The following INTS4 variants were observed in gnomAD, a reference collection of about 807,000 sequenced individuals.
INTS4 encodes the protein integrator complex subunit 4.
Under a neutral mutation model 119.5 loss-of-function variants are expected in INTS4, and 70 were observed. The observed-to-expected ratio is 0.59, with a 90% CI of 0.48 to 0.71. The LOEUF is 0.71. Ranked by LOEUF, INTS4 falls within the 30% of genes least tolerant of loss-of-function variation. INTS4 has a pLI of 0.00. For missense variants in INTS4, 867 were observed against 1,173.2 expected (o/e 0.74, Z 3.81); for synonymous variants, 316 against 419.6 (o/e 0.75, Z 3.02).
At chr11:77,889,130 G>A (rs1014060498) in intron 21 of INTS4, among the ~76,000 whole-genome samples, 30 of 152,166 alleles carry the variant, frequency 2.0e-4, no homozygotes, top group Non-Finnish European at 3.5e-4. Context: ...GCACACATAT[G>A]TTTATTGCGG....
chr11:77,960,874 T>C, intron 5 of INTS4, 79 bp downstream of exon 5: 1 of 1,245,474 alleles, frequency 8.0e-7, no homozygotes, highest in Non-Finnish European at 1.1e-6. Flanking sequence ...ATTTACAATG[T>C]ATCCAAGGCA....
rs768385485 is a variant in INTS4 at position 77,991,273 on chromosome 11, T to C, written c.81A>G (p.Lys27=). ...VQPQEEIATK[K]LRLTKPSKSA... is the part of the protein sequence containing the mutation. ...ATTTACTTGGTTTTGTTAGTCGGAGTTTCTTAGTAGCAATTTCCTCCTGTG... is the reference window on the plus strand; with the variant it reads ...ATTTACTTGGTTTTGTTAGTCGGAGCTTCTTAGTAGCAATTTCCTCCTGTG... The change falls in exon 2 of 23, where the codon AAA becomes AAG. Residue 27 remains lysine (K), a synonymous_variant. Transcript: ENST00000534064. 6.2e-7 allele frequency: 1 copy of C among 1,613,698 alleles called. No homozygotes were observed. The highest frequency in any genetic ancestry group is 1.7e-5 in the Admixed American group (1 of 59,996).
At chr11:77,885,696 G>A (rs113027748) in intron 21 of INTS4, among the ~76,000 whole-genome samples, 1,532 of 151,862 alleles carry the variant, frequency 0.01, 31 homozygotes, top group African/African-American at 0.033. Flanking sequence ...GCGTGTGCCT[G>A]TAGTCCCAGC....
rs763790646 is a variant in INTS4, at chr11:77,961,114, C to T, written c.496G>A (p.Val166Ile). 6.3e-7 allele frequency: 1 copy of T among 1,581,192 alleles called. No individual in the cohort carries two copies. The highest frequency in any genetic ancestry group is 1.1e-5 in the South Asian group (1 of 88,788). ...AGTAACTGCAGGCACTTATTTCTTA[C>T]ACCATGAGACGTATCTGTCAGATGC... ...CKHLTDTSHGVRNKCLQLLGN... is the reference protein window; with the variant it reads ...CKHLTDTSHGIRNKCLQLLGN... The change falls in exon 5 of 23, where the codon GTA (valine) becomes ATA (isoleucine). Residue 166 changes from valine to isoleucine, a missense_variant. By Grantham distance (29) the Val-to-Ile change is conservative (BLOSUM62 3). Coordinates refer to ENST00000534064, the MANE Select transcript of INTS4 (RefSeq NM_033547.4).
intron 2 of INTS4, among the ~76,000 whole-genome samples, chr11:77,986,398 A>G (rs1449542176): frequency 6.6e-6 from 1 of 152,212 alleles, no homozygotes; most frequent in Non-Finnish European, 1.5e-5. Flanking sequence ...GGGAGTGTAA[A>G]TTAGTTCAAC....
intron 4 of INTS4, among the ~76,000 whole-genome samples, chr11:77,963,664 A>T (rs1291110517): frequency 1.3e-5 from 2 of 152,158 alleles, no homozygotes; most frequent in Non-Finnish European, 2.9e-5. Flanking sequence ...TAACATACTG[A>T]TCCATTCAGC....
intron 22 of INTS4, among the ~76,000 whole-genome samples, chr11:77,882,106 G>C (rs1048584885): frequency 2.6e-5 from 4 of 152,020 alleles, no homozygotes; most frequent in African/African-American, 9.7e-5. Context: ...TGTAGAGATA[G>C]GGTTGCCCTA....
At chr11:77,989,857 C>T (rs1856597028) in intron 2 of INTS4, among the ~76,000 whole-genome samples, 1 of 152,138 alleles carries the variant, frequency 6.6e-6, no homozygotes, top group Admixed American at 6.5e-5. Context: ...CGTGATAGCA[C>T]CACTGCACTC....
chr11:77,876,880 T>G (rs557942816), downstream of INTS4: 3 of 673,602 alleles, frequency 4.5e-6, no homozygotes, highest in East Asian at 5.5e-5. Context: ...ATTCTTCCCT[T>G]AGAAGGTTTT....
At chr11:77,920,741 A>G (rs931786727) in intron 14 of INTS4, among the ~76,000 whole-genome samples, 1 of 151,802 alleles carries the variant, frequency 6.6e-6, no homozygotes, top group Non-Finnish European at 1.5e-5. Context: ...AGTCCCAGCT[A>G]CTCGGGAGGC....
intron 10 of INTS4, among the ~76,000 whole-genome samples, chr11:77,938,154 A>T (rs947837600): frequency 6.6e-6 from 1 of 152,020 alleles, no homozygotes. Flanking sequence ...GCCCAAAAAT[A>T]TCTTTCAAAA....
Position 77,901,424 on chromosome 11 carries a change from C to G in INTS4, c.2225G>C (p.Arg742Pro), listed in dbSNP as rs1368262583. 8 of 1,613,936 alleles carry G rather than the reference C, an allele frequency of 5.0e-6. No homozygotes were observed. The East Asian group carries it at 1.8e-4, about 36-fold the overall frequency. Residue 742 changes from arginine (R) to proline (P), a missense_variant, in exon 18 of 23, where the codon CGA becomes CCA. Around this residue, in one of 5 missense-constraint regions of INTS4, gnomAD observed 262 missense variants for 376.0 expected, o/e 0.70. Transcript: ENST00000534064. ...TTTGGCCAACCCCACATCTTACCCT[C>G]GTGTAGTTCGTGCTGTTACTATAAG... The part of the protein sequence containing the change: ...LQLIVTARTT[R>P]GLDPLFGMCE...
At chr11:77,955,052 T>C (rs1229360695) in intron 8 of INTS4, among the ~76,000 whole-genome samples, 1 of 147,716 alleles carries the variant, frequency 6.8e-6, no homozygotes, top group Non-Finnish European at 1.5e-5. Context: ...TATTAAGAAA[T>C]TCTGGGGCTG....
At chr11:77,960,202 G>T in intron 6 of INTS4, 139 bp downstream of exon 6, 1 of 570,428 alleles carries the variant, frequency 1.8e-6, no homozygotes, top group Non-Finnish European at 3.2e-6. Context: ...TTTTGAATAT[G>T]ACTTCACATC....
At chr11:77,900,270 TA>T (rs1425086050) in intron 18 of INTS4, among the ~76,000 whole-genome samples, 6 of 151,966 alleles carry the variant, frequency 3.9e-5, no homozygotes, top group Admixed American at 3.3e-4. Context: ...CGGCTAATTT[TA>T]TGTATTTTTA....
chr11:77,934,154 G>C (rs1364261010), intron 10 of INTS4, among the ~76,000 whole-genome samples: 2 of 151,850 alleles, frequency 1.3e-5, no homozygotes, highest in Non-Finnish European at 2.9e-5. Context: ...ATTAAGGGCG[G>C]TGCAAGATGG....
At chr11:77,958,652 C>T (rs1001510776) in intron 7 of INTS4, 94 bp downstream of exon 7, 1 of 751,658 alleles carries the variant, frequency 1.3e-6, no homozygotes. Context: ...AAAATGTAAC[C>T]AACATTTCTT....
In INTS4 at chr11:77,928,587, C is replaced by G. The variant is rs918161538; in HGVS notation, c.1166-40G>C. On this transcript the variant is annotated intron_variant, in intron 10 of 22. Transcript: ENST00000534064. Reference sequence around the variant, plus strand: ...AAATGAAATTGCACATCAGGCTGGGCACAGTGGCTCACGCCTGTAATCCCA... The same window carrying G: ...AAATGAAATTGCACATCAGGCTGGGGACAGTGGCTCACGCCTGTAATCCCA... The G allele has an allele frequency of 3.9e-6, 6 of 1,545,340 alleles. No homozygotes were observed. In the African/African-American group the frequency reaches 8.2e-5, roughly 21 times the overall value.
chr11:77,947,317 A>C (rs1432490287), intron 8 of INTS4, among the ~76,000 whole-genome samples: 1 of 152,190 alleles, frequency 6.6e-6, no homozygotes, highest in Non-Finnish European at 1.5e-5. Context: ...AAAGGTTCAC[A>C]ATTACATTCA....
Sources: allele counts gnomAD v4.1 joint callset (sites outside exome capture counted in the v4.1 genomes callset), GRCh38; gene constraint gnomAD v4.1.1; regional missense constraint gnomAD v4.1.1; transcripts MANE v1.5; gene names NCBI Gene and HGNC (gene_info 2026-07-23, HGNC 2026-07-21).